The following CIDEC variants were observed in gnomAD, a reference collection of about 807,000 sequenced individuals.
The protein encoded by CIDEC is cell death inducing DFFA like effector c, also known as lipid transferase CIDEC.
Under a neutral mutation model 21.9 loss-of-function variants are expected in CIDEC, and 11 were observed. That is an observed-to-expected ratio of 0.50 (90% CI 0.32 to 0.83). The LOEUF (loss-of-function observed/expected upper bound fraction) is 0.83, where lower values mean the gene tolerates loss of function less well. CIDEC is among the 40% of genes least tolerant of loss of function. The pLI, the probability that CIDEC is intolerant of heterozygous loss-of-function variation, is 0.04. For synonymous variants in CIDEC, 127 were observed against 124.9 expected (o/e 1.02, Z -0.11); for missense variants, 302 against 302.3 (o/e 1.00, Z 0.01).
At position 9,866,933 on chromosome 3, in the gene CIDEC, A is replaced by G. The variant is rs1466166748; in HGVS notation, c.*201T>C. ...GCTGCCTTGGGCAGGAAGGAGCTGG[A>G]TCAGGCCAGGAGCTTGAGGTTCTCC... On this transcript the variant is annotated 3_prime_UTR_variant, in exon 7 of 7. Transcript: ENST00000336832. 66 of 671,466 alleles carry G rather than the reference A, an allele frequency of 9.8e-5. 1 individual carries two copies. Among genetic ancestry groups the G allele is most frequent in the South Asian group, 6.6e-4 (40 of 60,546 alleles). The allele number at this position is 671,466 out of a possible 1,614,324, so 41.6% of individuals were successfully genotyped here. A position where few individuals can be genotyped will look rare whatever the true frequency, so the allele number is the denominator to read the frequency against.
rs541191678 is a variant in CIDEC at position 9,871,504 on chromosome 3, A to G, written c.208-1182T>C. On this transcript the variant is annotated intron_variant, in intron 4 of 6. Coordinates refer to ENST00000336832, the MANE Select transcript of CIDEC (RefSeq NM_001321142.2). ...AATGGGCCTATGTTTAACTTTGAGG[A>G]GGTGCCAAACTGTTTTCCACAGTGG... 6.6e-5 allele frequency among the ~76,000 whole-genome samples: 10 copies of G among 152,012 alleles called. No individual in the cohort carries two copies. The East Asian group carries it at 1.5e-3, about 23-fold the overall frequency.
At chr3:9,877,241 G>T in intron 3 of CIDEC, 22 bp from the exon 4 acceptor site, 1 of 1,549,626 alleles carries the variant, frequency 6.5e-7, no homozygotes, top group Non-Finnish European at 8.7e-7. Flanking sequence ...GAAGCATCAG[G>T]GTGAGCCACC....
At chr3:9,875,376 CAAA>C (rs34070196) in intron 4 of CIDEC, among the ~76,000 whole-genome samples, 4 of 116,896 alleles carry the variant, frequency 3.4e-5, no homozygotes, top group Non-Finnish European at 5.1e-5. Context: ...GACTCTGTCT[CAAA>C]AAAAAAAAAA....
intron 4 of CIDEC, chr3:9,870,619 C>T (rs2082335316): frequency 1.4e-6 from 1 of 697,594 alleles, no homozygotes; most frequent in Non-Finnish European, 2.4e-6. Context: ...CAACAATCAC[C>T]ACTACCTAAT....
At chr3:9,870,888 C>A (rs183954503) in intron 4 of CIDEC, among the ~76,000 whole-genome samples, 15 of 151,982 alleles carry the variant, frequency 9.9e-5, no homozygotes, top group Non-Finnish European at 2.1e-4. Flanking sequence ...GATCCTTCTA[C>A]CTTGGCCTCC....
In CIDEC at chr3:9,866,951, G is replaced by C; in HGVS notation, c.*183C>G. On this transcript the variant is annotated 3_prime_UTR_variant, in exon 7 of 7. Coordinates refer to ENST00000336832, the MANE Select transcript of CIDEC (RefSeq NM_001321142.2). The stretch of plus-strand genomic sequence containing the variant: ...GAGCTGGATCAGGCCAGGAGCTTGA[G>C]GTTCTCCTTTGGCCAACCCACCCCA... 1.4e-6 allele frequency: 1 copy of C among 713,194 alleles called. No individual in the cohort carries two copies. The highest frequency in any genetic ancestry group is 1.5e-5 in the South Asian group (1 of 65,556). The allele number at this position is 713,194 out of a possible 1,614,324, so 44.2% of individuals were successfully genotyped here.
chr3:9,870,295 T>C lies in CIDEC; in HGVS notation c.235A>G (p.Lys79Glu), dbSNP rs1287388780. 6.2e-7 allele frequency: 1 copy of C among 1,613,892 alleles called. No homozygotes were observed. Among genetic ancestry groups the C allele is most frequent in the East Asian group, 2.2e-5 (1 of 44,896 alleles). The change falls in exon 5 of 7, where the codon AAG (lysine) becomes GAG (glutamate). Residue 79 changes from lysine (K) to glutamate (E), a missense_variant. Lys to Glu is a moderately conservative substitution (Grantham distance 56, BLOSUM62 1). Coordinates refer to ENST00000336832, the MANE Select transcript of CIDEC (RefSeq NM_001321142.2). ...TCCTCCAGCACCAGGAAGAAGGGCTTGTCTGCCAGCATCAGAGTGTCCCGG... is the reference window on the plus strand; with the variant it reads ...TCCTCCAGCACCAGGAAGAAGGGCTCGTCTGCCAGCATCAGAGTGTCCCGG... The part of the protein sequence containing the change: ...KVRDTLMLAD[K>E]PFFLVLEEDG...
intron 6 of CIDEC, among the ~76,000 whole-genome samples, chr3:9,868,799 G>T (rs1206898250): frequency 6.6e-6 from 1 of 152,146 alleles, no homozygotes; most frequent in Non-Finnish European, 1.5e-5. Flanking sequence ...GCCCAATTTT[G>T]TATGTATACA....
chr3:9,867,280 C>G lies in CIDEC; in HGVS notation c.571G>C (p.Ala191Pro). 6.2e-7 allele frequency: 1 copy of G among 1,614,164 alleles called. No individual in the cohort carries two copies. The highest frequency in any genetic ancestry group is 2.2e-5 in the East Asian group (1 of 44,894). Reference protein sequence around the residue: ...KRIMKEAFRWALFSMQATGHV... With the variant: ...KRIMKEAFRWPLFSMQATGHV... ...CCTGTGGCCTGCATGCTGAAGAGGG[C>G]CCAGCGGAAAGCTTCCCTGGGTGGA... Residue 191 changes from alanine to proline, a missense_variant, in exon 7 of 7, where the codon GCC becomes CCC. Physicochemically the swap from Ala to Pro is conservative, Grantham distance 27. Transcript: ENST00000336832.
In CIDEC at chr3:9,870,033, C is replaced by A. The variant is rs111498899; in HGVS notation, c.403G>T (p.Ala135Ser). The A allele has an allele frequency of 1.2e-6, 2 of 1,614,092 alleles. No individual in the cohort carries two copies. The highest frequency in any genetic ancestry group is 8.5e-7 in the Non-Finnish European group (1 of 1,180,048). ...ACACGGGCCACATCAATCTTCTTGGCAGGCTTATGGGAGAGGGACAGTGGG... is the reference window on the plus strand; with the variant it reads ...ACACGGGCCACATCAATCTTCTTGGAAGGCTTATGGGAGAGGGACAGTGGG... The part of the protein sequence containing the change: ...RHPLSLSHKP[A>S]KKIDVARVTF... Residue 135 changes from alanine (A) to serine (S), a missense_variant, in exon 6 of 7, where the codon GCC becomes TCC. By Grantham distance (99) the Ala-to-Ser change is moderately conservative (BLOSUM62 1). Transcript: ENST00000336832.
chr3:9,874,858 G>A (rs1042436230), intron 4 of CIDEC, among the ~76,000 whole-genome samples: 2 of 152,118 alleles, frequency 1.3e-5, no homozygotes, highest in Middle Eastern at 3.4e-3. Context: ...AGCCTCCTGA[G>A]TAACTGGGAC....
rs1291313725 is a variant in CIDEC at position 9,878,956 on chromosome 3, C to T, written c.-40G>A. On this transcript the variant is annotated 5_prime_UTR_variant, in exon 2 of 7. Transcript: ENST00000336832. ...CGTTCCCTCACCTCTAGTCCAGAGA[C>T]CTCACAGGCAGGCAGCCCAGTCAAA... The T allele has an allele frequency of 9.2e-6, 7 of 759,222 alleles. No individual in the cohort carries two copies. The East Asian group carries it at 1.9e-4, about 20-fold the overall frequency. 47.0% of individuals were successfully genotyped at this position (759,222 alleles called of 1,614,324 possible). A position where few individuals can be genotyped will look rare whatever the true frequency, so the allele number is the denominator to read the frequency against.
At chr3:9,870,608 G>T in intron 4 of CIDEC, 1 of 752,494 alleles carries the variant, frequency 1.3e-6, no homozygotes, top group Non-Finnish European at 2.2e-6. Context: ...GCAAAGTTGT[G>T]CAACAATCAC....
intron 3 of CIDEC, 82 bp downstream of exon 3, chr3:9,878,352 T>C: frequency 9.7e-7 from 1 of 1,033,996 alleles, no homozygotes; most frequent in Non-Finnish European, 1.5e-6. Flanking sequence ...CCCTGTGACC[T>C]GTATACCCAT....
chr3:9,877,316 A>G, intron 3 of CIDEC, 97 bp from the exon 4 acceptor site: 1 of 1,190,320 alleles, frequency 8.4e-7, no homozygotes, highest in Non-Finnish European at 1.2e-6. Context: ...GACTGGGCTC[A>G]TGATCAGTCA....
At position 9,878,404 on chromosome 3, in the gene CIDEC, TCTTTCCATTCTGCCCATGA is replaced by T. The variant is rs2082457208; in HGVS notation, c.53+11_53+29del. ...CTGGCTTACAGCTCATAGGTGGCTC[TCTTTCCATTCTGCCCATGA>T]CTTTCCTCACCTGGAGAGGGACTTG... is the stretch of plus-strand genomic sequence containing the variant. On this transcript the variant is annotated intron_variant, in intron 3 of 6. Coordinates refer to ENST00000336832, the MANE Select transcript of CIDEC (RefSeq NM_001321142.2). 6.5e-7 allele frequency: 1 copy of T among 1,548,684 alleles called. No individual in the cohort carries two copies. Among genetic ancestry groups the T allele is most frequent in the Admixed American group, 1.7e-5 (1 of 59,926 alleles).
At position 9,870,397 on chromosome 3, in the gene CIDEC, C is replaced by T. The variant is rs146126186; in HGVS notation, c.208-75G>A. ...GGACTCTATGAGGTGGAACTGGAGCCCAGGCCCTCTGCTGTGGAATCACTA... is the reference window on the plus strand; with the variant it reads ...GGACTCTATGAGGTGGAACTGGAGCTCAGGCCCTCTGCTGTGGAATCACTA... On this transcript the variant is annotated intron_variant, in intron 4 of 6. Coordinates refer to ENST00000336832, the MANE Select transcript of CIDEC (RefSeq NM_001321142.2). 1.1e-3 allele frequency: 1,814 copies of T among 1,598,076 alleles called. 18 individuals carry two copies. The African/African-American group carries it at 0.022, about 19-fold the overall frequency.
At position 9,866,732 on chromosome 3, in the gene CIDEC, T is replaced by C. The variant is rs2082274001; in HGVS notation, c.*402A>G. 8 of 417,572 alleles carry C rather than the reference T, an allele frequency of 1.9e-5. No individual in the cohort carries two copies. In the Admixed American group the frequency reaches 2.9e-4, roughly 15 times the overall value. 25.9% of individuals were successfully genotyped at this position (417,572 alleles called of 1,614,324 possible). On this transcript the variant is annotated 3_prime_UTR_variant, in exon 7 of 7. Transcript: ENST00000336832. ...AGATACATCAGCCTCAATAATTTAT[T>C]GCAAACTCCCTAATATCACATGCTA...
intron 6 of CIDEC, 53 bp from the exon 7 acceptor site, chr3:9,867,349 G>T: frequency 6.3e-7 from 1 of 1,594,176 alleles, no homozygotes; most frequent in Admixed American, 1.7e-5. Context: ...GGTCGGGCAT[G>T]GCGTTCACGC....
Sources: gnomAD v4.1 joint callset for allele counts (sites outside exome capture counted in the v4.1 genomes callset) on GRCh38, gnomAD v4.1.1 for gene constraint, MANE v1.5 for transcripts, NCBI Gene and HGNC (gene_info 2026-07-23, HGNC 2026-07-21) for gene names.